The following CACNG3 variants were observed in gnomAD, a reference collection of about 807,000 sequenced individuals.
CACNG3 encodes voltage-dependent calcium channel gamma-3 subunit.
Under a neutral mutation model 28.5 loss-of-function variants are expected in CACNG3, and 3 were observed. The observed-to-expected ratio is 0.11, with a 90% CI of 0.05 to 0.27. The LOEUF is 0.27. Among genes scored for constraint, CACNG3 ranks in the 10% least tolerant of loss-of-function variants. CACNG3 has a pLI of 1.00. For missense variants in CACNG3, 236 were observed against 414.4 expected (o/e 0.57, Z 3.74); for synonymous variants, 174 against 162.2 (o/e 1.07, Z -0.55).
intron 1 of CACNG3, among the ~76,000 whole-genome samples, chr16:24,317,684 G>T (rs907421120): frequency 2.9e-5 from 3 of 104,716 alleles, no homozygotes; most frequent in Non-Finnish European, 5.8e-5. Flanking sequence ...AAGAAAGAAA[G>T]AAAGAAAGAA....
intron 1 of CACNG3, among the ~76,000 whole-genome samples, chr16:24,257,277 T>C (rs1567427415): frequency 6.6e-6 from 1 of 150,646 alleles, no homozygotes; most frequent in Non-Finnish European, 1.5e-5. Flanking sequence ...GATCTCTGGC[T>C]TGAGATGGGG....
At chr16:24,264,021 C>A (rs1427221999) in intron 1 of CACNG3, among the ~76,000 whole-genome samples, 1 of 152,208 alleles carries the variant, frequency 6.6e-6, no homozygotes, top group Non-Finnish European at 1.5e-5. Context: ...TTGGAGGGAA[C>A]AACAGAGCTA....
At chr16:24,353,222 A>G (rs1899980781) in intron 2 of CACNG3, among the ~76,000 whole-genome samples, 1 of 151,614 alleles carries the variant, frequency 6.6e-6, no homozygotes, top group African/African-American at 2.4e-5. Context: ...TGATCCACCC[A>G]CCTCTGCCTC....
At chr16:24,300,495 G>A (rs1327289128) in intron 1 of CACNG3, among the ~76,000 whole-genome samples, 1 of 152,054 alleles carries the variant, frequency 6.6e-6, no homozygotes, top group Non-Finnish European at 1.5e-5. Flanking sequence ...ATTTTGAAAT[G>A]TTGGCTATGA....
chr16:24,294,028 A>C (rs1471068652), intron 1 of CACNG3, among the ~76,000 whole-genome samples: 3 of 152,120 alleles, frequency 2.0e-5, no homozygotes, highest in Admixed American at 6.5e-5. Context: ...ATGTGTTTTC[A>C]TAGGAAATTG....
intron 1 of CACNG3, among the ~76,000 whole-genome samples, chr16:24,260,098 G>A (rs981278734): frequency 6.6e-6 from 1 of 152,194 alleles, no homozygotes; most frequent in Non-Finnish European, 1.5e-5. Context: ...TTTCATTTCT[G>A]TAGGTAAGTT....
At chr16:24,265,278 G>GGAAGGGAGGAAGGAAGGAAGGAAAAAGA (rs1567206345) in intron 1 of CACNG3, among the ~76,000 whole-genome samples, 3 of 134,540 alleles carry the variant, frequency 2.2e-5, no homozygotes, top group Admixed American at 8.2e-5. Flanking sequence ...AGAGAAGGAA[G>GGAAGGGAGGAAGGAAGGAAGGAAAAAGA]GAAGGAAGGG....
chr16:24,333,594 A>G (rs370378316), intron 1 of CACNG3: 1 of 152,338 alleles, frequency 6.6e-6, no homozygotes, highest in South Asian at 2.1e-4. Context: ...GTGGTCCTTG[A>G]CCTTAGCTGC....
At chr16:24,312,959 A>AAGAAAGAAAGAGAGAG (rs1297026328) in intron 1 of CACNG3, among the ~76,000 whole-genome samples, 1 of 139,624 alleles carries the variant, frequency 7.2e-6, no homozygotes, top group Non-Finnish European at 1.5e-5. Flanking sequence ...AAGAAAGAGA[A>AAGAAAGAAAGAGAGAG]AGAAAGAAAA....
intron 1 of CACNG3, among the ~76,000 whole-genome samples, chr16:24,260,236 G>A (rs1639364261): frequency 6.6e-6 from 1 of 152,092 alleles, no homozygotes. Context: ...CCAAATTTCT[G>A]ATATTTTTAT....
chr16:24,260,630 G>A (rs1200406152), intron 1 of CACNG3, among the ~76,000 whole-genome samples: 2 of 152,212 alleles, frequency 1.3e-5, no homozygotes, highest in Admixed American at 1.3e-4. Flanking sequence ...TTGTGAAAAT[G>A]CCCAGGCACA....
At chr16:24,344,306 G>A (rs1240440701) in intron 1 of CACNG3, among the ~76,000 whole-genome samples, 1 of 151,882 alleles carries the variant, frequency 6.6e-6, no homozygotes, top group Non-Finnish European at 1.5e-5. Context: ...GTGGTCGGGA[G>A]GCTGTGGCAC....
At chr16:24,360,531 T>G (rs183229613) in intron 3 of CACNG3, among the ~76,000 whole-genome samples, 1 of 152,342 alleles carries the variant, frequency 6.6e-6, no homozygotes, top group Admixed American at 6.5e-5. Context: ...TGAAAAGACT[T>G]GGTAAGCTCT....
intron 1 of CACNG3, among the ~76,000 whole-genome samples, chr16:24,306,682 C>G (rs974257142): frequency 7.2e-5 from 11 of 152,128 alleles, no homozygotes; most frequent in African/African-American, 2.7e-4. Flanking sequence ...TTGCATCGGG[C>G]AGGATACTCT....
chr16:24,294,447 G>A (rs1167898295), intron 1 of CACNG3, among the ~76,000 whole-genome samples: 8 of 152,218 alleles, frequency 5.3e-5, no homozygotes, highest in Non-Finnish European at 8.8e-5. Flanking sequence ...TTCCAGGGCA[G>A]TGGAGGGGAT....
rs895386001 is a variant in CACNG3 at position 24,303,594 on chromosome 16, G to A, written c.212-43140G>A. On this transcript the variant is annotated intron_variant, in intron 1 of 3. Transcript: ENST00000005284. Reference sequence around the variant, plus strand: ...CCTTGTTTTATTCCCTTCAGCATTCGTTGCTGTCTGCAGTTACCTTGTTTC... The same window carrying A: ...CCTTGTTTTATTCCCTTCAGCATTCATTGCTGTCTGCAGTTACCTTGTTTC... Among the ~76,000 whole-genome samples, 13 of 148,346 alleles carry A rather than the reference G, an allele frequency of 8.8e-5. No homozygotes were observed. The East Asian group carries it at 2.0e-3, about 23-fold the overall frequency.
At chr16:24,277,695 G>A (rs368661969) in intron 1 of CACNG3, among the ~76,000 whole-genome samples, 25 of 150,586 alleles carry the variant, frequency 1.7e-4, no homozygotes, top group Admixed American at 6.0e-4. Context: ...CAGGAGAATC[G>A]CTTGAACCCA....
At chr16:24,261,363 G>C (rs1192600134) in intron 1 of CACNG3, among the ~76,000 whole-genome samples, 2 of 152,134 alleles carry the variant, frequency 1.3e-5, no homozygotes, top group Non-Finnish European at 2.9e-5. Context: ...CTACTACTTG[G>C]CTTGATTTGA....
intron 1 of CACNG3, among the ~76,000 whole-genome samples, chr16:24,257,319 G>T (rs769616384): frequency 1.4e-5 from 2 of 141,710 alleles, no homozygotes; most frequent in African/African-American, 2.6e-5. Flanking sequence ...GATTTCGAAG[G>T]GAGGGGGAGG....
Sources: allele counts gnomAD v4.1 joint callset (sites outside exome capture counted in the v4.1 genomes callset), GRCh38; gene constraint gnomAD v4.1.1; transcripts MANE v1.5; gene names NCBI Gene and HGNC (gene_info 2026-07-23, HGNC 2026-07-21).